Variants in DNAH12 observed in about 807,000 individuals in gnomAD.
DNAH12 encodes the protein dynein axonemal heavy chain 12.
A neutral mutation model predicts 371.5 loss-of-function variants in DNAH12; 285 were observed. The observed-to-expected ratio is 0.77, with a 90% CI of 0.70 to 0.85. The LOEUF (loss-of-function observed/expected upper bound fraction) is 0.85, where lower values mean the gene tolerates loss of function less well. Ranked by LOEUF, DNAH12 falls within the 40% of genes least tolerant of loss-of-function variation. DNAH12 has a pLI of 0.00. For synonymous variants in DNAH12, 1,200 were observed against 1,213.0 expected (o/e 0.99, Z 0.22); for missense variants, 3,611 against 3,689.4 (o/e 0.98, Z 0.55).
chr3:57,399,409 T>C (rs1296912141), intron 43 of DNAH12, among the ~76,000 whole-genome samples: 2 of 152,086 alleles, frequency 1.3e-5, no homozygotes, highest in East Asian at 3.9e-4. Context: ...AAAAGATCCA[T>C]TAATATGCTG....
chr3:57,534,451 C>T (rs72872512), intron 2 of DNAH12, among the ~76,000 whole-genome samples: 26,150 of 150,824 alleles, frequency 0.17, 3,020 homozygotes, highest in African/African-American at 0.33. Flanking sequence ...GCTCTGTTCC[C>T]CCACCCCACC....
At chr3:57,415,033 G>A (rs2064321206) in intron 38 of DNAH12, among the ~76,000 whole-genome samples, 1 of 152,110 alleles carries the variant, frequency 6.6e-6, no homozygotes, top group African/African-American at 2.4e-5. Context: ...AGCAGCAAAT[G>A]CCCCTAATGA....
At chr3:57,422,125 G>C (rs2064606062) in intron 35 of DNAH12, among the ~76,000 whole-genome samples, 1 of 151,576 alleles carries the variant, frequency 6.6e-6, no homozygotes, top group Non-Finnish European at 1.5e-5. Context: ...TGTTACCCAG[G>C]CTGGTCTTAA....
chr3:57,378,934 T>C lies in DNAH12; in HGVS notation c.8223+224A>G, dbSNP rs916792108. Among the ~76,000 whole-genome samples, 9 of 152,318 alleles carry C rather than the reference T, an allele frequency of 5.9e-5. 1 individual carries two copies. In the South Asian group the frequency reaches 1.0e-3, roughly 18 times the overall value. On this transcript the variant is annotated intron_variant, in intron 52 of 73. Coordinates refer to ENST00000495027, the MANE Select transcript of DNAH12 (RefSeq NM_001366028.2). Reference sequence around the variant, plus strand: ...TCTGACTAATTCTACTCATGATCCCTGCTCCTGCATCACTACCACCCACAC... The same window carrying C: ...TCTGACTAATTCTACTCATGATCCCCGCTCCTGCATCACTACCACCCACAC...
chr3:57,469,102 G>T, intron 16 of DNAH12, 123 bp from the exon 17 acceptor site: 1 of 888,954 alleles, frequency 1.1e-6, no homozygotes, highest in Non-Finnish European at 1.6e-6. Flanking sequence ...GCTGTTAACA[G>T]TTTTTCTCAG....
rs373393982 is a variant in DNAH12 at position 57,501,291 on chromosome 3, C to T, written c.1335+30G>A. 2.3e-5 allele frequency: 36 copies of T among 1,540,480 alleles called. No individual in the cohort carries two copies. In the East Asian group the frequency reaches 4.1e-4, roughly 18 times the overall value. ...CCTAATGTTACAAAAAAATTCAAAA[C>T]GCATTAATAAAAACAGAATTACCGC... is the stretch of plus-strand genomic sequence containing the variant. On this transcript the variant is annotated intron_variant, in intron 11 of 73. Coordinates refer to ENST00000495027, the MANE Select transcript of DNAH12 (RefSeq NM_001366028.2).
intron 4 of DNAH12, chr3:57,519,978 G>C (rs1180165490): frequency 1.2e-6 from 1 of 833,414 alleles, no homozygotes; most frequent in South Asian, 1.4e-5. Context: ...AGGTCAGGGC[G>C]TAGGGTTCCT....
At chr3:57,487,173 C>T (rs1400312412) in intron 12 of DNAH12, among the ~76,000 whole-genome samples, 1 of 151,728 alleles carries the variant, frequency 6.6e-6, no homozygotes, top group Non-Finnish European at 1.5e-5. Context: ...CAGTGGCCCA[C>T]ACCTGTAATC....
chr3:57,412,811 A>C (rs782030705), intron 39 of DNAH12, among the ~76,000 whole-genome samples: 20 of 152,226 alleles, frequency 1.3e-4, no homozygotes, highest in Non-Finnish European at 2.5e-4. Context: ...GACGTGGAGC[A>C]ACACTAACTC....
chr3:57,489,898 G>A (rs925729533), intron 11 of DNAH12, among the ~76,000 whole-genome samples: 2 of 151,668 alleles, frequency 1.3e-5, no homozygotes, highest in Non-Finnish European at 1.5e-5. Context: ...TATCCAATAC[G>A]ATACCATTCA....
At chr3:57,439,100 G>GA (rs1198376248) in intron 29 of DNAH12, among the ~76,000 whole-genome samples, 4 of 152,064 alleles carry the variant, frequency 2.6e-5, no homozygotes, top group African/African-American at 9.7e-5. Flanking sequence ...TGGATTGGAA[G>GA]AATGAATATT....
At chr3:57,552,674 C>T in the DNAH12 span, among the ~76,000 whole-genome samples, 37,385 of 152,002 alleles carry the variant, frequency 0.25, 6,459 homozygotes, top group African/African-American at 0.48. Flanking sequence ...CTTTGGGAGG[C>T]TGAGGCAGGT....
At chr3:57,476,396 T>A (rs2066524864) in intron 13 of DNAH12, among the ~76,000 whole-genome samples, 1 of 151,978 alleles carries the variant, frequency 6.6e-6, no homozygotes, top group South Asian at 2.1e-4. Flanking sequence ...AAGCCCCGTC[T>A]CTACTAAAAA....
chr3:57,497,597 G>T (rs971646581), intron 11 of DNAH12, among the ~76,000 whole-genome samples: 2 of 152,210 alleles, frequency 1.3e-5, no homozygotes, highest in African/African-American at 4.8e-5. Context: ...CTTACAATGG[G>T]TCATAGACCT....
At chr3:57,515,887 C>T (rs1265827555) in intron 4 of DNAH12, among the ~76,000 whole-genome samples, 9 of 151,582 alleles carry the variant, frequency 5.9e-5, no homozygotes, top group African/African-American at 2.2e-4. Flanking sequence ...GCAACTTTTC[C>T]GTATGTCTAA....
intron 60 of DNAH12, among the ~76,000 whole-genome samples, chr3:57,351,184 G>T (rs1052191113): frequency 6.6e-6 from 1 of 151,990 alleles, no homozygotes; most frequent in Admixed American, 6.5e-5. Context: ...CAGGAGAATC[G>T]CTTGAACCCG....
At chr3:57,459,251 C>T (rs1204970517) in intron 20 of DNAH12, among the ~76,000 whole-genome samples, 1 of 152,136 alleles carries the variant, frequency 6.6e-6, no homozygotes, top group African/African-American at 2.4e-5. Context: ...TTCTCTCTCC[C>T]TCTCTCTTGT....
intron 4 of DNAH12, among the ~76,000 whole-genome samples, chr3:57,516,745 A>G (rs942500619): frequency 6.6e-6 from 1 of 152,196 alleles, no homozygotes; most frequent in African/African-American, 2.4e-5. Flanking sequence ...TGCCGTAGCC[A>G]CAATCCATCT....
chr3:57,546,291 T>C (rs981231783), upstream of DNAH12, among the ~76,000 whole-genome samples: 1 of 152,220 alleles, frequency 6.6e-6, no homozygotes, highest in Non-Finnish European at 1.5e-5. Flanking sequence ...ACGTTCGTTC[T>C]AAACTAACCT....
Sources: gnomAD v4.1 joint callset for allele counts (sites outside exome capture counted in the v4.1 genomes callset) on GRCh38, gnomAD v4.1.1 for gene constraint, MANE v1.5 for transcripts, NCBI Gene and HGNC (gene_info 2026-07-23, HGNC 2026-07-21) for gene names.